Variants in GRB14 observed in about 807,000 individuals in gnomAD.
The protein encoded by GRB14 is growth factor receptor-bound protein 14.
In GRB14, 38 loss-of-function variants were observed where a neutral mutation model predicts 69.1. That is an observed-to-expected ratio of 0.55 (90% CI 0.42 to 0.72). GRB14 has a LOEUF of 0.72. Ranked by LOEUF, GRB14 falls within the 30% of genes least tolerant of loss-of-function variation. The pLI is 0.00. For missense variants in GRB14, 666 were observed against 666.1 expected (o/e 1.00, Z 0.00); for synonymous variants, 247 against 241.3 (o/e 1.02, Z -0.22).
intron 2 of GRB14, among the ~76,000 whole-genome samples, chr2:164,592,593 C>A (rs576080902): frequency 1.3e-5 from 2 of 152,338 alleles, no homozygotes; most frequent in South Asian, 2.1e-4. Context: ...AGCCACTAGA[C>A]ACATAGTATT....
intron 6 of GRB14, among the ~76,000 whole-genome samples, chr2:164,514,636 G>A (rs1336573636): frequency 6.6e-6 from 1 of 152,166 alleles, no homozygotes; most frequent in Admixed American, 6.5e-5. Context: ...ACCACAGAGA[G>A]AAGGAAAATT....
chr2:164,542,483 A>G (rs1688266007), intron 3 of GRB14, among the ~76,000 whole-genome samples: 1 of 152,234 alleles, frequency 6.6e-6, no homozygotes, highest in Non-Finnish European at 1.5e-5. Context: ...AATGGGAGAA[A>G]ATATTTGCAA....
intron 2 of GRB14, among the ~76,000 whole-genome samples, chr2:164,570,124 A>C (rs1689090961): frequency 6.6e-6 from 1 of 151,880 alleles, no homozygotes; most frequent in Admixed American, 6.6e-5. Context: ...AAATACAAAA[A>C]ATTAGCCAGG....
chr2:164,619,104 G>T (rs1375714979), intron 2 of GRB14, among the ~76,000 whole-genome samples: 2 of 152,128 alleles, frequency 1.3e-5, no homozygotes, highest in Non-Finnish European at 2.9e-5. Context: ...AAATCATAAA[G>T]ATATGGTCCT....
intron 9 of GRB14, among the ~76,000 whole-genome samples, chr2:164,500,133 C>T (rs1687011904): frequency 6.6e-6 from 1 of 152,108 alleles, no homozygotes; most frequent in African/African-American, 2.4e-5. Context: ...TCGCCTTCCC[C>T]AACCCTCCGT....
rs368666520 is a variant in GRB14, at chr2:164,547,685, A to C, written c.456T>G (p.Phe152Leu). The change falls in exon 3 of 14, where the codon TTT (phenylalanine) becomes TTG (leucine). Residue 152 changes from phenylalanine to leucine, a missense_variant. Transcript: ENST00000263915. Reference sequence around the variant, plus strand: ...CTACACCTATGTGAGGCAGGTGCTCAAAAAGGGTCCAGCTGTGGTCATCAA... The same window carrying C: ...CTACACCTATGTGAGGCAGGTGCTCCAAAAGGGTCCAGCTGTGGTCATCAA... ...HYIDDHSWTL[F>L]EHLPHIGVER... 1.1e-5 allele frequency: 18 copies of C among 1,612,936 alleles called. No homozygotes were observed. The highest frequency in any genetic ancestry group is 1.5e-5 in the Non-Finnish European group (18 of 1,179,314).
intron 3 of GRB14, among the ~76,000 whole-genome samples, chr2:164,531,686 G>A (rs373502964): frequency 6.6e-6 from 1 of 152,188 alleles, no homozygotes; most frequent in East Asian, 1.9e-4. Context: ...GGAAACTGGT[G>A]GAGTGGATGG....
intron 2 of GRB14, among the ~76,000 whole-genome samples, chr2:164,569,214 C>T (rs995979473): frequency 2.0e-5 from 3 of 152,016 alleles, no homozygotes; most frequent in African/African-American, 7.2e-5. Flanking sequence ...ATTTTAATGA[C>T]CATTTTGCAT....
intron 2 of GRB14, chr2:164,573,720 T>C: frequency 1.2e-6 from 2 of 1,603,500 alleles, no homozygotes; most frequent in South Asian, 1.1e-5. Context: ...GCTATTCTAA[T>C]TAAGTTTCTT....
intron 2 of GRB14, among the ~76,000 whole-genome samples, chr2:164,612,183 T>C (rs968553559): frequency 2.6e-5 from 4 of 152,226 alleles, no homozygotes; most frequent in South Asian, 4.1e-4. Flanking sequence ...AAGAGCACTA[T>C]ACTTTGGAGC....
At position 164,492,829 on chromosome 2, in the gene GRB14, GTTTAAT is replaced by G. The variant is rs1686791495; in HGVS notation, c.*201_*206del. The G allele has an allele frequency of 2.3e-6, 1 of 440,116 alleles. No individual in the cohort carries two copies. The highest frequency in any genetic ancestry group is 4.1e-5 in the Admixed American group (1 of 24,502). The allele number at this position is 440,116 out of a possible 1,614,324, so 27.3% of individuals were successfully genotyped here. A position where few individuals can be genotyped will look rare whatever the true frequency, so the allele number is the denominator to read the frequency against. ...CACACCAAGTCATTTTTTTCCTAAG[GTTTAAT>G]TTTAACTAATGAATTTTAAATGATG... is the stretch of plus-strand genomic sequence containing the variant. On this transcript the variant is annotated 3_prime_UTR_variant, in exon 14 of 14. Transcript: ENST00000263915.
chr2:164,531,029 T>C (rs1687921174), intron 3 of GRB14, among the ~76,000 whole-genome samples: 1 of 152,182 alleles, frequency 6.6e-6, no homozygotes, highest in Non-Finnish European at 1.5e-5. Flanking sequence ...AGAATCTTGA[T>C]GTATTTTGAA....
intron 12 of GRB14, 121 bp downstream of exon 12, chr2:164,496,887 T>C (rs969778645): frequency 1.5e-5 from 11 of 723,530 alleles, no homozygotes; most frequent in Non-Finnish European, 2.4e-5. Flanking sequence ...TATAGAACAA[T>C]GTCACTTCTG....
At chr2:164,504,341 TA>T (rs1300144815) in intron 8 of GRB14, among the ~76,000 whole-genome samples, 21 of 152,044 alleles carry the variant, frequency 1.4e-4, no homozygotes, top group Admixed American at 1.4e-3. Context: ...ACGCTGGAAA[TA>T]ACACAGTAGA....
At chr2:164,538,608 T>G (rs1688146106) in intron 3 of GRB14, among the ~76,000 whole-genome samples, 1 of 152,166 alleles carries the variant, frequency 6.6e-6, no homozygotes, top group Admixed American at 6.5e-5. Flanking sequence ...AATCAGGCCA[T>G]TCAGAGATTC....
At chr2:164,551,596 A>G (rs909735905) in intron 2 of GRB14, among the ~76,000 whole-genome samples, 2 of 152,138 alleles carry the variant, frequency 1.3e-5, no homozygotes, top group Non-Finnish European at 2.9e-5. Flanking sequence ...CTTGCAAACC[A>G]TTCTTTCTTA....
At chr2:164,595,510 G>T (rs567092518) in intron 2 of GRB14, among the ~76,000 whole-genome samples, 3 of 152,150 alleles carry the variant, frequency 2.0e-5, no homozygotes, top group Non-Finnish European at 4.4e-5. Flanking sequence ...TAAGCCTGAC[G>T]GGGAAGTAAG....
rs1559019371 is a variant in GRB14 at position 164,497,205 on chromosome 2, A to G, written c.1294+6T>C. ...ACTCAGTGGCAATGACTATGAACAGACATACCCATGTTTGTGGCAGAGCTC... is the reference window on the plus strand; with the variant it reads ...ACTCAGTGGCAATGACTATGAACAGGCATACCCATGTTTGTGGCAGAGCTC... On this transcript the variant is annotated splice_donor_region_variant and intron_variant, in intron 11 of 13. Coordinates refer to ENST00000263915, the MANE Select transcript of GRB14 (RefSeq NM_004490.3). 3.7e-6 allele frequency: 6 copies of G among 1,611,832 alleles called. No individual in the cohort carries two copies. In the East Asian group the frequency reaches 1.1e-4, roughly 30 times the overall value.
chr2:164,497,599 G>T, intron 9 of GRB14, 109 bp from the exon 10 acceptor site: 1 of 740,764 alleles, frequency 1.3e-6, no homozygotes, highest in Non-Finnish European at 2.3e-6. Flanking sequence ...TGTTTTTCTG[G>T]CAGTACATTT....
Sources: allele counts gnomAD v4.1 joint callset (sites outside exome capture counted in the v4.1 genomes callset), GRCh38; gene constraint gnomAD v4.1.1; transcripts MANE v1.5; gene names NCBI Gene and HGNC (gene_info 2026-07-23, HGNC 2026-07-21).